Variants in ANKS1B observed in about 807,000 individuals in gnomAD.
ANKS1B encodes the protein ankyrin repeat and sterile alpha motif domain-containing protein 1B.
ANKS1B carries 36 observed loss-of-function variants against 148.3 expected under a neutral mutation model. That is an observed-to-expected ratio of 0.24 (90% confidence interval 0.19 to 0.32). The LOEUF is 0.32. Among genes scored for constraint, ANKS1B ranks in the 10% least tolerant of loss-of-function variants. The pLI, the probability that ANKS1B is intolerant of heterozygous loss-of-function variation, is 1.00. For synonymous variants in ANKS1B, 542 were observed against 560.8 expected, an observed-to-expected ratio of 0.97 and a Z score of 0.47; for missense variants, 1,157 against 1,542.6, an observed-to-expected ratio of 0.75 and a Z score of 4.19.
chr12:99,265,956 G>A (rs1004563040), intron 12 of ANKS1B, among the ~76,000 whole-genome samples: 3 of 152,098 alleles, frequency 2.0e-5, no homozygotes, highest in African/African-American at 7.2e-5. Flanking sequence ...GAAATAATCA[G>A]CATGTAGATG....
intron 15 of ANKS1B, among the ~76,000 whole-genome samples, chr12:99,108,517 T>C (rs1409315092): frequency 1.3e-5 from 2 of 152,202 alleles, no homozygotes; most frequent in Non-Finnish European, 2.9e-5. Flanking sequence ...TCAGCAATCA[T>C]AGTCACTGAA....
At chr12:99,151,072 T>C (rs999180050) in intron 15 of ANKS1B, among the ~76,000 whole-genome samples, 7 of 152,160 alleles carry the variant, frequency 4.6e-5, no homozygotes, top group African/African-American at 1.2e-4. Flanking sequence ...ATCTAAACTA[T>C]GTGCACAACT....
intron 12 of ANKS1B, among the ~76,000 whole-genome samples, chr12:99,382,705 AAAAAAAAAAAAAAG>A (rs940846391): frequency 1.2e-5 from 1 of 82,234 alleles, no homozygotes; most frequent in African/African-American, 4.9e-5. Flanking sequence ...ATTAAAAAAA[AAAAAAAAAAAAAAG>A]AGAGAGAGAG....
chr12:99,480,001 A>G (rs2096385278), intron 10 of ANKS1B, among the ~76,000 whole-genome samples: 1 of 151,894 alleles, frequency 6.6e-6, no homozygotes, highest in East Asian at 1.9e-4. Flanking sequence ...ACTGTATCCC[A>G]TAAATATATA....
intron 14 of ANKS1B, among the ~76,000 whole-genome samples, chr12:99,179,198 G>A (rs1164254547): frequency 1.3e-5 from 2 of 152,066 alleles, no homozygotes; most frequent in East Asian, 1.9e-4. Context: ...GGAGGCTGAG[G>A]TGGGCGGATC....
At chr12:98,770,644 T>C (rs372032021) in intron 25 of ANKS1B, among the ~76,000 whole-genome samples, 12 of 152,218 alleles carry the variant, frequency 7.9e-5, no homozygotes, top group South Asian at 6.2e-4. Flanking sequence ...CCATGATCAT[T>C]CTTTCCCATT....
chr12:99,383,430 A>G (rs936666955), intron 12 of ANKS1B, among the ~76,000 whole-genome samples: 2 of 152,174 alleles, frequency 1.3e-5, no homozygotes, highest in African/African-American at 4.8e-5. Flanking sequence ...GCCCCTGCCA[A>G]TCTCTGCAGT....
intron 9 of ANKS1B, among the ~76,000 whole-genome samples, chr12:99,555,156 T>G (rs1036469869): frequency 2.6e-5 from 4 of 152,142 alleles, no homozygotes; most frequent in African/African-American, 9.7e-5. Flanking sequence ...CAATTTATAT[T>G]CCTTTGGATA....
intron 12 of ANKS1B, among the ~76,000 whole-genome samples, chr12:99,305,596 C>T (rs2082229715): frequency 6.6e-6 from 1 of 151,950 alleles, no homozygotes; most frequent in South Asian, 2.1e-4. Flanking sequence ...TCTCAGAATC[C>T]CTGGAAATAC....
intron 17 of ANKS1B, among the ~76,000 whole-genome samples, chr12:98,922,977 G>C (rs766383189): frequency 2.7e-4 from 41 of 152,232 alleles, no homozygotes; most frequent in Non-Finnish European, 4.7e-4. Context: ...AGGTGCTGTG[G>C]TTTGGATGTG....
intron 22 of ANKS1B, chr12:98,794,996 G>A: frequency 1.0e-6 from 1 of 958,480 alleles, no homozygotes; most frequent in Non-Finnish European, 1.7e-6. Context: ...TTTCTTTTAT[G>A]AACATTTGAA....
At chr12:99,502,276 T>C (rs2096663083) in intron 10 of ANKS1B, among the ~76,000 whole-genome samples, 1 of 152,156 alleles carries the variant, frequency 6.6e-6, no homozygotes, top group Non-Finnish European at 1.5e-5. Flanking sequence ...TTATCTCTCT[T>C]ACGGAAAAGG....
intron 9 of ANKS1B, among the ~76,000 whole-genome samples, chr12:99,545,088 A>G (rs1641329519): frequency 6.6e-6 from 1 of 152,154 alleles, no homozygotes; most frequent in Non-Finnish European, 1.5e-5. Flanking sequence ...ATTCTAAGAT[A>G]TGATTAATTG....
chr12:99,457,119 A>G (rs2095859512), intron 10 of ANKS1B, among the ~76,000 whole-genome samples: 1 of 152,160 alleles, frequency 6.6e-6, no homozygotes, highest in East Asian at 1.9e-4. Context: ...CTCCTTAAAT[A>G]AAACAATTAT....
intron 9 of ANKS1B, among the ~76,000 whole-genome samples, chr12:99,642,291 C>T (rs1291280210): frequency 1.3e-5 from 2 of 152,186 alleles, no homozygotes; most frequent in African/African-American, 4.8e-5. Flanking sequence ...ATGCAGACTA[C>T]AGGCATATTC....
chr12:98,880,933 A>G (rs987261880), intron 17 of ANKS1B, among the ~76,000 whole-genome samples: 4 of 152,292 alleles, frequency 2.6e-5, no homozygotes, highest in Admixed American at 1.3e-4. Flanking sequence ...GTAAATTCTA[A>G]ATTACAAACC....
At position 99,486,371 on chromosome 12, in the gene ANKS1B, A is replaced by G. The variant is rs368382664; in HGVS notation, c.1438+18105T>C. ...TGCTGGTTATATTAAGAACGTTCTCAGTGTGTGAGCAAGTTCACTGTTTAC... is the reference window on the plus strand; with the variant it reads ...TGCTGGTTATATTAAGAACGTTCTCGGTGTGTGAGCAAGTTCACTGTTTAC... On this transcript the variant is annotated intron_variant, in intron 10 of 26. Coordinates refer to ENST00000683438, the MANE Select transcript of ANKS1B (RefSeq NM_001352186.2). Among the ~76,000 whole-genome samples the G allele has an allele frequency of 4.1e-4, 63 of 152,164 alleles. 1 individual carries two copies. In the South Asian group the frequency reaches 5.6e-3, roughly 14 times the overall value.
chr12:99,578,351 T>C (rs1211836199), intron 9 of ANKS1B, among the ~76,000 whole-genome samples: 3 of 152,110 alleles, frequency 2.0e-5, no homozygotes, highest in Non-Finnish European at 2.9e-5. Context: ...CTAAAGGTCC[T>C]AGCCAGAGCA....
At chr12:99,038,554 C>A (rs2099956947) in intron 17 of ANKS1B, among the ~76,000 whole-genome samples, 1 of 152,168 alleles carries the variant, frequency 6.6e-6, no homozygotes, top group East Asian at 1.9e-4. Context: ...CAAACCATAT[C>A]TCTCTCCTGT....
Sources: allele counts gnomAD v4.1 joint callset (sites outside exome capture counted in the v4.1 genomes callset), GRCh38; gene constraint gnomAD v4.1.1; transcripts MANE v1.5; gene names NCBI Gene and HGNC (gene_info 2026-07-23, HGNC 2026-07-21).